The following CHAT variants were observed in gnomAD, a reference collection of about 807,000 sequenced individuals.
CHAT encodes the protein choline O-acetyltransferase, also known as acetyl CoA:choline O-acetyltransferase.
Under a neutral mutation model 76.9 loss-of-function variants are expected in CHAT, and 61 were observed. The ratio of observed to expected loss-of-function variants is 0.79; its 90% CI spans 0.65 to 0.98. The LOEUF (loss-of-function observed/expected upper bound fraction) is 0.98, where lower values mean the gene tolerates loss of function less well. CHAT is among the 50% of genes least tolerant of loss of function. The pLI is 0.00. For missense variants in CHAT, 946 were observed against 986.9 expected (o/e 0.96, Z 0.56); for synonymous variants, 407 against 397.4 (o/e 1.02, Z -0.29).
chr10:49,639,909 T>C (rs996714617), intron 7 of CHAT, among the ~76,000 whole-genome samples: 2 of 152,142 alleles, frequency 1.3e-5, no homozygotes, highest in African/African-American at 4.8e-5. Context: ...GTCTAATCAG[T>C]GTTATTCCGT....
rs1017346387 is a variant in CHAT, at chr10:49,666,728, G to A, written c.*1682G>A. On this transcript the variant is annotated 3_prime_UTR_variant, in exon 15 of 15. Coordinates refer to ENST00000337653, the MANE Select transcript of CHAT (RefSeq NM_020549.5). ...TCTATTAGATGTCATGGGAGATTTG[G>A]GCACTACCCTTTGAACATACAAACT... Among the ~76,000 whole-genome samples the A allele has an allele frequency of 2.0e-5, 3 of 152,148 alleles. No homozygotes were observed. Among genetic ancestry groups the A allele is most frequent in the African/African-American group, 7.2e-5 (3 of 41,426 alleles).
intron 5 of CHAT, among the ~76,000 whole-genome samples, chr10:49,623,866 C>T (rs1011871260): frequency 1.9e-4 from 29 of 152,324 alleles, no homozygotes; most frequent in African/African-American, 6.0e-4. Flanking sequence ...TGTCCCCAAG[C>T]TCCCTCCTCC....
intron 2 of CHAT, among the ~76,000 whole-genome samples, chr10:49,617,414 C>T (rs1344605631): frequency 6.6e-6 from 1 of 152,220 alleles, no homozygotes; most frequent in East Asian, 1.9e-4. Context: ...CTCACATGAA[C>T]TGCCCAGGAA....
chr10:49,645,256 A>G lies in CHAT; in HGVS notation c.1112-1249A>G, dbSNP rs190172012. 5.9e-5 allele frequency among the ~76,000 whole-genome samples: 9 copies of G among 152,200 alleles called. 1 individual carries two copies. The East Asian group carries it at 1.7e-3, about 29-fold the overall frequency. ...CTTTCCCTGCAAATGCCATGCACCCATCTTCCCACACACAGAGCACTCTCA... is the reference window on the plus strand; with the variant it reads ...CTTTCCCTGCAAATGCCATGCACCCGTCTTCCCACACACAGAGCACTCTCA... On this transcript the variant is annotated intron_variant, in intron 7 of 14. Transcript: ENST00000337653.
chr10:49,638,907 G>A (rs994494168), intron 7 of CHAT, among the ~76,000 whole-genome samples: 10 of 152,024 alleles, frequency 6.6e-5, no homozygotes, highest in African/African-American at 2.2e-4. Flanking sequence ...ATATTCCAAT[G>A]TTTCTCTTTT....
At chr10:49,615,870 G>T in intron 1 of CHAT, 2 of 631,862 alleles carry the variant, frequency 3.2e-6, no homozygotes, top group South Asian at 3.9e-5. Flanking sequence ...GCAGACCCGA[G>T]ACTGCCTAGG....
At chr10:49,656,424 C>T (rs752052235) in intron 13 of CHAT, among the ~76,000 whole-genome samples, 5 of 151,750 alleles carry the variant, frequency 3.3e-5, no homozygotes, top group Admixed American at 2.0e-4. Flanking sequence ...GGCCCTTCAA[C>T]GTGAACACCA....
In CHAT at chr10:49,666,133, A is replaced by G. The variant is rs1396867784; in HGVS notation, c.*1087A>G. On this transcript the variant is annotated 3_prime_UTR_variant, in exon 15 of 15. Transcript: ENST00000337653. ...GGACTCTGACAAAAACCCATGTGGT[A>G]GAGCCTAGAGCAGGGCTCTCTTCTG... 1.3e-5 allele frequency among the ~76,000 whole-genome samples: 2 copies of G among 152,192 alleles called. No homozygotes were observed. Among genetic ancestry groups the G allele is most frequent in the African/African-American group, 4.8e-5 (2 of 41,456 alleles).
At chr10:49,629,413 C>G (rs997877867) in intron 7 of CHAT, among the ~76,000 whole-genome samples, 1 of 152,234 alleles carries the variant, frequency 6.6e-6, no homozygotes, top group East Asian at 1.9e-4. Flanking sequence ...CCTCCCGGAC[C>G]TAACCTCGTG....
At chr10:49,632,986 C>T (rs1839176691) in intron 7 of CHAT, among the ~76,000 whole-genome samples, 1 of 152,252 alleles carries the variant, frequency 6.6e-6, no homozygotes. Flanking sequence ...CCACAGGCCA[C>T]TACCAGTGTC....
intron 7 of CHAT, among the ~76,000 whole-genome samples, chr10:49,635,884 C>T (rs1839278774): frequency 6.6e-6 from 1 of 152,126 alleles, no homozygotes; most frequent in Non-Finnish European, 1.5e-5. Context: ...GATACCTACT[C>T]TTACCACTCT....
intron 10 of CHAT, among the ~76,000 whole-genome samples, chr10:49,651,179 G>C (rs774553299): frequency 6.6e-6 from 1 of 152,034 alleles, no homozygotes; most frequent in South Asian, 2.1e-4. Context: ...TGTCCCAGAC[G>C]TCTGTCAACA....
upstream of CHAT, among the ~76,000 whole-genome samples, chr10:49,609,965 C>A (rs885835): frequency 6.6e-6 from 1 of 152,016 alleles, no homozygotes; most frequent in African/African-American, 2.4e-5. Context: ...GCTGCCGCGC[C>A]CCCTTCCCCA....
chr10:49,661,830 C>T lies in CHAT; in HGVS notation c.1840-815C>T, dbSNP rs182148566. Among the ~76,000 whole-genome samples the T allele has an allele frequency of 5.9e-5, 9 of 152,292 alleles. No homozygotes were observed. In the East Asian group the frequency reaches 1.7e-3, roughly 29 times the overall value. On this transcript the variant is annotated intron_variant, in intron 13 of 14. Transcript: ENST00000337653. ...GTGGGGGAGCTGTAGAATGAGTACC[C>T]GGCCCCACTTCCAGACACCTCACCC... is the stretch of plus-strand genomic sequence containing the variant.
At chr10:49,619,938 C>G (rs1838642981) in intron 3 of CHAT, 22 bp downstream of exon 3, 1 of 1,602,728 alleles carries the variant, frequency 6.2e-7, no homozygotes, top group Admixed American at 1.7e-5. Context: ...AGACAAGGAA[C>G]CCATAGAAGA....
intron 8 of CHAT, chr10:49,647,975 T>TGATG (rs1839735755): frequency 5.7e-6 from 1 of 176,200 alleles, no homozygotes; most frequent in East Asian, 1.6e-4. Context: ...GAATTCAAGA[T>TGATG]GATGGAGAAC....
intron 8 of CHAT, among the ~76,000 whole-genome samples, chr10:49,646,901 G>C (rs1235151307): frequency 6.6e-6 from 1 of 152,202 alleles, no homozygotes; most frequent in South Asian, 2.1e-4. Context: ...CTCTTCTCAG[G>C]AGCCAGTGGC....
chr10:49,654,907 C>T lies in CHAT; in HGVS notation c.1635-188C>T, dbSNP rs138562415. Among the ~76,000 whole-genome samples, 243 of 152,240 alleles carry T rather than the reference C, an allele frequency of 1.6e-3. 1 individual carries two copies. The highest frequency in any genetic ancestry group is 5.6e-3 in the African/African-American group (234 of 41,542). ...GTGTATATAAGCAAACGTGGCTCTC[C>T]ATGTGGGAGACTCCCCAGCGTCATC... On this transcript the variant is annotated intron_variant, in intron 11 of 14. Coordinates refer to ENST00000337653, the MANE Select transcript of CHAT (RefSeq NM_020549.5).
At chr10:49,628,695 C>T (rs1480891541) in intron 7 of CHAT, among the ~76,000 whole-genome samples, 4 of 152,226 alleles carry the variant, frequency 2.6e-5, no homozygotes, top group Admixed American at 6.5e-5. Context: ...GGAGCCCTTC[C>T]GAGTGGGATT....
Sources: allele counts gnomAD v4.1 joint callset (sites outside exome capture counted in the v4.1 genomes callset), GRCh38; gene constraint gnomAD v4.1.1; transcripts MANE v1.5; gene names NCBI Gene and HGNC (gene_info 2026-07-23, HGNC 2026-07-21).